Variants in NOX3 observed in about 807,000 individuals in gnomAD.
NOX3 encodes the protein NADPH oxidase catalytic subunit-like 3.
NOX3 carries 74 observed loss-of-function variants against 76.7 expected under a neutral mutation model. The ratio of observed to expected loss-of-function variants is 0.96; its 90% CI spans 0.80 to 1.17. The LOEUF (loss-of-function observed/expected upper bound fraction) is 1.17. Ranked by LOEUF, NOX3 falls within the 50% of genes most tolerant of loss-of-function variation. NOX3 has a pLI of 0.00. For synonymous variants in NOX3, 263 were observed against 261.1 expected, an observed-to-expected ratio of 1.01 and a Z score of -0.07; for missense variants, 695 against 703.3, an observed-to-expected ratio of 0.99 and a Z score of 0.13.
At position 155,454,985 on chromosome 6, in the gene NOX3, T is replaced by C. The variant is rs779716775; in HGVS notation, c.144+49A>G. Reference sequence around the variant, plus strand: ...AAACAAGGATCCAGGGAAAATAAAATGCATTTTGTTTTCTGAAAAAATAAT... The same window carrying C: ...AAACAAGGATCCAGGGAAAATAAAACGCATTTTGTTTTCTGAAAAAATAAT... On this transcript the variant is annotated intron_variant, in intron 2 of 13. Transcript: ENST00000159060. 7 of 1,572,528 alleles carry C rather than the reference T, an allele frequency of 4.5e-6. No homozygotes were observed. In the South Asian group the frequency reaches 5.7e-5, roughly 13 times the overall value.
At chr6:155,396,245 A>C (rs992690584) in intron 13 of NOX3, among the ~76,000 whole-genome samples, 1 of 152,224 alleles carries the variant, frequency 6.6e-6, no homozygotes, top group Non-Finnish European at 1.5e-5. Context: ...GATAACCTCC[A>C]TTGGTGATTT....
rs762094716 is a variant in NOX3 at position 155,429,064 on chromosome 6, G to A, written c.892-17C>T. The A allele has an allele frequency of 3.0e-5, 46 of 1,527,496 alleles. No individual in the cohort carries two copies. Among genetic ancestry groups the A allele is most frequent in the Admixed American group, 7.8e-5 (4 of 51,122 alleles). 94.6% of individuals were successfully genotyped at this position (1,527,496 alleles called of 1,614,324 possible). A position where few individuals can be genotyped will look rare whatever the true frequency, so the allele number is the denominator to read the frequency against. On this transcript the variant is annotated splice_polypyrimidine_tract_variant and intron_variant, in intron 8 of 13. Coordinates refer to ENST00000159060, the MANE Select transcript of NOX3 (RefSeq NM_015718.3). ...GCTTACCACCTATGTGAGAGTGAGA[G>A]AGTTGTTTGCCTTTGTCCTCGAAAT...
At chr6:155,434,769 T>G (rs536422402) in intron 7 of NOX3, among the ~76,000 whole-genome samples, 89 of 152,236 alleles carry the variant, frequency 5.8e-4, no homozygotes, top group African/African-American at 2.1e-3. Context: ...GTAAGACAAG[T>G]AGGGGAGGAG....
intron 10 of NOX3, among the ~76,000 whole-genome samples, chr6:155,416,662 G>A (rs1484900405): frequency 2.6e-5 from 4 of 151,678 alleles, no homozygotes; most frequent in Non-Finnish European, 5.9e-5. Context: ...CCCTGTGGCT[G>A]AGGACTGATC....
chr6:155,407,299 T>C (rs181896573), intron 11 of NOX3, 45 bp from the exon 12 acceptor site: 33 of 1,482,808 alleles, frequency 2.2e-5, no homozygotes, highest in Non-Finnish European at 3.0e-5. Context: ...AAAAAAAAAA[T>C]AAGACTTCTA....
intron 10 of NOX3, among the ~76,000 whole-genome samples, chr6:155,416,028 A>C (rs1257633596): frequency 6.6e-6 from 1 of 152,218 alleles, no homozygotes; most frequent in Non-Finnish European, 1.5e-5. Context: ...CTCAGCATTC[A>C]TCATGAAGAT....
intron 6 of NOX3, among the ~76,000 whole-genome samples, chr6:155,438,324 C>T (rs1776937623): frequency 6.6e-6 from 1 of 152,308 alleles, no homozygotes; most frequent in African/African-American, 2.4e-5. Flanking sequence ...GAGATTTCCA[C>T]ATTCAGAAGA....
intron 5 of NOX3, among the ~76,000 whole-genome samples, chr6:155,440,683 CAAA>C (rs59598361): frequency 1.9e-5 from 2 of 105,584 alleles, no homozygotes; most frequent in Admixed American, 1.0e-4. Flanking sequence ...AAAGAAAAAA[CAAA>C]AAAAAAAAAA....
At chr6:155,453,671 A>T (rs543423744) in intron 3 of NOX3, among the ~76,000 whole-genome samples, 183 bp from the exon 4 acceptor site, 1 of 152,282 alleles carries the variant, frequency 6.6e-6, no homozygotes, top group South Asian at 2.1e-4. Flanking sequence ...GCTTTGCTGA[A>T]CTCTCAACTC....
intron 5 of NOX3, among the ~76,000 whole-genome samples, chr6:155,442,071 TG>T (rs1776997168): frequency 6.6e-6 from 1 of 152,174 alleles, no homozygotes; most frequent in Non-Finnish European, 1.5e-5. Context: ...AAGACCATCC[TG>T]GCTAACACAG....
At chr6:155,413,938 A>T (rs1435763558) in intron 10 of NOX3, among the ~76,000 whole-genome samples, 1 of 152,152 alleles carries the variant, frequency 6.6e-6, no homozygotes, top group Non-Finnish European at 1.5e-5. Context: ...AACTATCCCC[A>T]TCTTAGCTTC....
rs1008697020 is a variant in NOX3 at position 155,443,991 on chromosome 6, A to G, written c.341-573T>C. Among the ~76,000 whole-genome samples, 4 of 152,374 alleles carry G rather than the reference A, an allele frequency of 2.6e-5. No homozygotes were observed. The East Asian group carries it at 5.8e-4, about 22-fold the overall frequency. On this transcript the variant is annotated intron_variant, in intron 4 of 13. Coordinates refer to ENST00000159060, the MANE Select transcript of NOX3 (RefSeq NM_015718.3). ...AAATAATTCTAAAAGAAACAAGTAT[A>G]TATAACTTCTTAAGAAATCGGAAAG...
Position 155,430,692 on chromosome 6 carries a change from A to T in NOX3, c.891+151T>A, listed in dbSNP as rs1212835559. ...TCAGCAAAATTAGTCACACTAAAAG[A>T]TGCTCAGGATACAAGCAATTATTAG... On this transcript the variant is annotated intron_variant, in intron 8 of 13. Transcript: ENST00000159060. 8 of 594,044 alleles carry T rather than the reference A, an allele frequency of 1.3e-5. No individual in the cohort carries two copies. The East Asian group carries it at 2.2e-4, about 16-fold the overall frequency. The allele number at this position is 594,044 out of a possible 1,614,324, so 36.8% of individuals were successfully genotyped here. A position where few individuals can be genotyped will look rare whatever the true frequency, so the allele number is the denominator to read the frequency against.
chr6:155,436,234 A>G (rs1283241786), intron 7 of NOX3, among the ~76,000 whole-genome samples, 184 bp downstream of exon 7: 1 of 152,232 alleles, frequency 6.6e-6, no homozygotes, highest in African/African-American at 2.4e-5. Flanking sequence ...AAAGCTGAAC[A>G]TAGTGCTTTT....
intron 10 of NOX3, among the ~76,000 whole-genome samples, chr6:155,421,140 G>A (rs1776684044): frequency 6.6e-6 from 1 of 152,164 alleles, no homozygotes; most frequent in African/African-American, 2.4e-5. Flanking sequence ...GGTTGCAGGA[G>A]GAGCTGGGGG....
intron 11 of NOX3, among the ~76,000 whole-genome samples, chr6:155,407,985 T>C (rs747152607): frequency 3.9e-5 from 6 of 152,152 alleles, no homozygotes; most frequent in Non-Finnish European, 7.4e-5. Context: ...TTTGTATGTT[T>C]TTGTGTTTTT....
In NOX3 at chr6:155,414,488, TGA is replaced by T. The variant is rs551872793; in HGVS notation, c.1309-3130_1309-3129del. ...GCTGATCTCAGAGACCAAAAATACC[TGA>T]GTTTACTTTAAAAGATTTTATTAAA... On this transcript the variant is annotated intron_variant, in intron 10 of 13. Coordinates refer to ENST00000159060, the MANE Select transcript of NOX3 (RefSeq NM_015718.3). Among the ~76,000 whole-genome samples the T allele has an allele frequency of 2.2e-3, 329 of 152,282 alleles. 3 individuals are homozygous for T. The highest frequency in any genetic ancestry group is 4.0e-3 in the Non-Finnish European group (271 of 68,016).
At chr6:155,448,421 T>C (rs1237100346) in intron 4 of NOX3, among the ~76,000 whole-genome samples, 1 of 152,146 alleles carries the variant, frequency 6.6e-6, no homozygotes, top group Non-Finnish European at 1.5e-5. Context: ...CTTTCTACAG[T>C]ACGCACTTCT....
rs113598922 is a variant in NOX3 at position 155,453,911 on chromosome 6, G to A, written c.256-423C>T. Among the ~76,000 whole-genome samples the A allele has an allele frequency of 4.6e-3, 693 of 152,110 alleles. 4 individuals carry two copies. The highest frequency in any genetic ancestry group is 0.014 in the African/African-American group (587 of 41,470). ...GATGATGATTATACAGGCATACCTC[G>A]GAGATATTGTGGGTTTGATTTCAGA... On this transcript the variant is annotated intron_variant, in intron 3 of 13. Coordinates refer to ENST00000159060, the MANE Select transcript of NOX3 (RefSeq NM_015718.3).
Sources: gnomAD v4.1 joint callset for allele counts (sites outside exome capture counted in the v4.1 genomes callset) on GRCh38, gnomAD v4.1.1 for gene constraint, MANE v1.5 for transcripts, NCBI Gene and HGNC (gene_info 2026-07-23, HGNC 2026-07-21) for gene names.